Variants in RAB38 observed in about 807,000 individuals in gnomAD.
RAB38 encodes ras-related protein Rab-38.
RAB38 carries 15 observed loss-of-function variants against 18.4 expected under a neutral mutation model. The observed-to-expected ratio is 0.82, with a 90% CI of 0.55 to 1.26. The LOEUF (loss-of-function observed/expected upper bound fraction) is 1.26. RAB38 is among the 50% of genes most tolerant of loss of function. RAB38 has a pLI of 0.00. For synonymous variants in RAB38, 101 were observed against 104.4 expected (o/e 0.97, Z 0.20); for missense variants, 294 against 267.4 (o/e 1.10, Z -0.69).
At chr11:87,924,888 G>C in the RAB38 span, among the ~76,000 whole-genome samples, 1 of 152,006 alleles carries the variant, frequency 6.6e-6, no homozygotes. Flanking sequence ...GTGTATGTGT[G>C]TGAGTGCGCA....
At chr11:88,032,539 A>G in the RAB38 span, among the ~76,000 whole-genome samples, 1 of 152,218 alleles carries the variant, frequency 6.6e-6, no homozygotes, top group Non-Finnish European at 1.5e-5. Context: ...AGAAAAAAAC[A>G]AACAACCCCA....
the RAB38 span, among the ~76,000 whole-genome samples, chr11:87,907,130 A>G: frequency 2.0e-5 from 3 of 151,950 alleles, no homozygotes; most frequent in African/African-American, 7.2e-5. Context: ...ATTTTGGTCA[A>G]TATAGCTGCA....
the RAB38 span, among the ~76,000 whole-genome samples, chr11:87,951,462 G>C: frequency 1.3e-5 from 2 of 152,146 alleles, no homozygotes; most frequent in East Asian, 3.9e-4. Context: ...TGGAGGAGGA[G>C]AGGCGCTCTG....
chr11:88,122,922 T>G (rs956358021), intron 2 of RAB38, among the ~76,000 whole-genome samples: 1 of 152,242 alleles, frequency 6.6e-6, no homozygotes, highest in African/African-American at 2.4e-5. Context: ...GCTTTAAAAC[T>G]TGGTTTTGCC....
the RAB38 span, among the ~76,000 whole-genome samples, chr11:88,103,499 G>A: frequency 6.6e-6 from 1 of 152,048 alleles, no homozygotes. Flanking sequence ...CAAGGTAGTG[G>A]AGCCACACAA....
the RAB38 span, among the ~76,000 whole-genome samples, chr11:87,976,798 T>A: frequency 8.6e-6 from 1 of 116,516 alleles, no homozygotes; most frequent in Non-Finnish European, 1.6e-5. Flanking sequence ...TAATATATAC[T>A]TATAATATAT....
chr11:88,053,746 ACT>A, the RAB38 span, among the ~76,000 whole-genome samples: 1 of 151,440 alleles, frequency 6.6e-6, no homozygotes, highest in South Asian at 2.1e-4. Context: ...ACAAATAGCT[ACT>A]TTAGTTCTTA....
At chr11:88,134,855 C>T (rs1419626266) in intron 2 of RAB38, among the ~76,000 whole-genome samples, 2 of 152,142 alleles carry the variant, frequency 1.3e-5, no homozygotes, top group Non-Finnish European at 2.9e-5. Flanking sequence ...TTCTGTCTCA[C>T]AAAAATCCAA....
chr11:87,891,548 G>T, the RAB38 span, among the ~76,000 whole-genome samples: 1 of 151,776 alleles, frequency 6.6e-6, no homozygotes. Flanking sequence ...ATCATCTAAA[G>T]AACCGAGTTT....
the RAB38 span, among the ~76,000 whole-genome samples, chr11:88,072,566 C>A: frequency 2.0e-3 from 301 of 151,914 alleles, 3 homozygotes; most frequent in African/African-American, 6.9e-3. Context: ...GGAAGACAAG[C>A]CAAAGTTTCA....
chr11:87,826,072 G>T, the RAB38 span, among the ~76,000 whole-genome samples: 2 of 152,016 alleles, frequency 1.3e-5, no homozygotes, highest in Non-Finnish European at 2.9e-5. Flanking sequence ...CTCCATAGTA[G>T]AAAGACAATA....
intron 1 of RAB38, among the ~76,000 whole-genome samples, chr11:88,164,175 T>G (rs1286236356): frequency 6.6e-6 from 1 of 150,538 alleles, no homozygotes; most frequent in Non-Finnish European, 1.5e-5. Context: ...CAAGAGATCC[T>G]GGACTCTAAA....
intron 1 of RAB38, among the ~76,000 whole-genome samples, chr11:88,164,291 T>G (rs1943222838): frequency 2.2e-5 from 3 of 136,190 alleles, no homozygotes; most frequent in African/African-American, 5.5e-5. Context: ...CTCACATGGG[T>G]GAAACAGGAT....
the RAB38 span, among the ~76,000 whole-genome samples, chr11:88,056,832 A>AATAC: frequency 0.021 from 939 of 45,522 alleles, 32 homozygotes; most frequent in East Asian, 0.23. Context: ...TAAATAAATA[A>AATAC]ATACATACAT....
the RAB38 span, among the ~76,000 whole-genome samples, chr11:87,944,706 G>A: frequency 3.3e-5 from 5 of 152,116 alleles, no homozygotes; most frequent in African/African-American, 1.2e-4. Context: ...GGAGGGTGGT[G>A]GATATTTAGA....
chr11:87,951,855 T>A, the RAB38 span, among the ~76,000 whole-genome samples: 1 of 152,178 alleles, frequency 6.6e-6, no homozygotes, highest in Non-Finnish European at 1.5e-5. Context: ...AGGGACCCAC[T>A]TGAGGAGGCA....
At chr11:88,034,628 T>C in the RAB38 span, among the ~76,000 whole-genome samples, 1 of 152,262 alleles carries the variant, frequency 6.6e-6, no homozygotes, top group African/African-American at 2.4e-5. Flanking sequence ...ATGTGCTTAT[T>C]TGCCATCTGT....
chr11:87,857,936 T>C, the RAB38 span, among the ~76,000 whole-genome samples: 2 of 152,196 alleles, frequency 1.3e-5, no homozygotes, highest in East Asian at 1.9e-4. Flanking sequence ...GAAGTCCTTG[T>C]CCATGCCTAT....
At chr11:88,081,319 C>T in the RAB38 span, among the ~76,000 whole-genome samples, 1 of 151,898 alleles carries the variant, frequency 6.6e-6, no homozygotes, top group Non-Finnish European at 1.5e-5. Flanking sequence ...AAATGTATGT[C>T]CACACAAAGA....
Sources: gnomAD v4.1 joint callset for allele counts (sites outside exome capture counted in the v4.1 genomes callset) on GRCh38, gnomAD v4.1.1 for gene constraint, MANE v1.5 for transcripts, NCBI Gene and HGNC (gene_info 2026-07-23, HGNC 2026-07-21) for gene names.